SGCD: variants seen among roughly 807,000 people sequenced by gnomAD.
SGCD encodes sarcoglycan delta, also known as delta-sarcoglycan.
Under a neutral mutation model 36.6 loss-of-function variants are expected in SGCD, and 18 were observed. The observed-to-expected ratio is 0.49, with a 90% CI of 0.34 to 0.73. SGCD has a LOEUF of 0.73. Among genes scored for constraint, SGCD ranks in the 30% least tolerant of loss-of-function variants. SGCD has a pLI of 0.01. For missense variants in SGCD, 387 were observed against 346.7 expected, an observed-to-expected ratio of 1.12 and a Z score of -0.92; for synonymous variants, 133 against 130.6, an observed-to-expected ratio of 1.02 and a Z score of -0.12.
intron 1 of SGCD, among the ~76,000 whole-genome samples, chr5:156,061,561 A>G (rs1051207324): frequency 6.8e-6 from 1 of 146,318 alleles, no homozygotes; most frequent in African/African-American, 2.5e-5. Flanking sequence ...ATGAATGTTA[A>G]TGAATTGGAC....
At chr5:156,219,774 G>T (rs1764673056) in intron 3 of SGCD, among the ~76,000 whole-genome samples, 1 of 152,194 alleles carries the variant, frequency 6.6e-6, no homozygotes, top group Non-Finnish European at 1.5e-5. Flanking sequence ...ATAAGCTTTA[G>T]TAATGGTGGA....
rs190087928 is a variant in SGCD at position 155,975,930 on chromosome 5, A to G, written c.-282+105506A>G. Among the ~76,000 whole-genome samples, 832 of 151,968 alleles carry G rather than the reference A, an allele frequency of 5.5e-3. 7 individuals carry two copies. Among genetic ancestry groups the G allele is most frequent in the African/African-American group, 0.015 (615 of 41,478 alleles). On this transcript the variant is annotated intron_variant, in intron 1 of 9. Coordinates refer to the SGCD transcript ENST00000517913. ...CAGGCGTGAGCCACTGCGCTCGGCC[A>G]TGTGTTATTTTTTCATTCTGTTTAT... is the stretch of plus-strand genomic sequence containing the variant.
chr5:156,521,826 C>T (rs1252310632), intron 4 of SGCD, among the ~76,000 whole-genome samples: 1 of 152,060 alleles, frequency 6.6e-6, no homozygotes, highest in Admixed American at 6.5e-5. Context: ...ACCATTTGTC[C>T]CAGCAATCCC....
At chr5:156,582,082 A>C (rs1294063879) in intron 4 of SGCD, among the ~76,000 whole-genome samples, 1 of 151,678 alleles carries the variant, frequency 6.6e-6, no homozygotes, top group African/African-American at 2.4e-5. Flanking sequence ...ATTTTTTTTT[A>C]ATTTATTTTT....
At position 155,908,127 on chromosome 5, in the gene SGCD, AT is replaced by A. The variant is rs138949526; in HGVS notation, c.-282+37705del. Among the ~76,000 whole-genome samples the A allele has an allele frequency of 1.9e-3, 285 of 152,266 alleles. 2 individuals are homozygous for A. Among genetic ancestry groups the A allele is most frequent in the African/African-American group, 6.6e-3 (273 of 41,580 alleles). ...AATTACTAACTGTAAAGTATTTTTA[AT>A]TAACATGTACATATATTAAGACAGA... On this transcript the variant is annotated intron_variant, in intron 1 of 9. Coordinates refer to the SGCD transcript ENST00000517913.
At chr5:156,270,754 G>A (rs1766154804) in intron 3 of SGCD, among the ~76,000 whole-genome samples, 2 of 152,160 alleles carry the variant, frequency 1.3e-5, no homozygotes, top group Admixed American at 6.5e-5. Context: ...CTCCTCATCT[G>A]TGTAGTAGGG....
intron 1 of SGCD, among the ~76,000 whole-genome samples, chr5:156,005,672 T>G (rs1310924478): frequency 3.9e-5 from 6 of 152,174 alleles, no homozygotes; most frequent in African/African-American, 1.4e-4. Flanking sequence ...GGATGGTCTC[T>G]GTCTCCTGAC....
At chr5:156,675,760 G>T (rs1040090584) in intron 7 of SGCD, among the ~76,000 whole-genome samples, 1 of 152,024 alleles carries the variant, frequency 6.6e-6, no homozygotes, top group African/African-American at 2.4e-5. Flanking sequence ...TGAGAGACAG[G>T]GTGGCAGCAT....
At chr5:156,695,537 ATAGATAG>A (rs1754287888) in intron 7 of SGCD, among the ~76,000 whole-genome samples, 1 of 143,962 alleles carries the variant, frequency 6.9e-6, no homozygotes, top group African/African-American at 2.9e-5. Context: ...AGATAGATAG[ATAGATAG>A]ATAGATAGAT....
chr5:156,654,959 T>G (rs1763616151), intron 7 of SGCD, among the ~76,000 whole-genome samples: 1 of 152,126 alleles, frequency 6.6e-6, no homozygotes, highest in South Asian at 2.1e-4. Flanking sequence ...CTTATAGATT[T>G]AAAAATATGT....
the SGCD span, among the ~76,000 whole-genome samples, chr5:155,728,939 CG>C: frequency 6.6e-6 from 1 of 152,334 alleles, no homozygotes; most frequent in African/African-American, 2.4e-5. Context: ...TCGCGGACTC[CG>C]CGCGCACCAG....
At chr5:155,751,800 A>G in the SGCD span, among the ~76,000 whole-genome samples, 2 of 151,984 alleles carry the variant, frequency 1.3e-5, no homozygotes, top group Non-Finnish European at 2.9e-5. Context: ...TACATTTTTA[A>G]CTCATGTGGT....
chr5:156,660,232 C>T, intron 7 of SGCD, among the ~76,000 whole-genome samples: 1 of 151,356 alleles, frequency 6.6e-6, no homozygotes, highest in African/African-American at 2.5e-5. Context: ...GGTGCTCTCC[C>T]TAGGCAAATA....
At chr5:156,735,272 T>G (rs1756292335) in intron 7 of SGCD, among the ~76,000 whole-genome samples, 1 of 152,146 alleles carries the variant, frequency 6.6e-6, no homozygotes, top group Admixed American at 6.5e-5. Context: ...GTCAGGGACC[T>G]TCTGTGCTGG....
At chr5:156,198,848 T>G (rs1764080697) in intron 3 of SGCD, among the ~76,000 whole-genome samples, 2 of 151,688 alleles carry the variant, frequency 1.3e-5, no homozygotes, top group Admixed American at 1.3e-4. Flanking sequence ...CAATGGTGGT[T>G]TTTATTTTAT....
At chr5:156,251,522 C>CT (rs34601103) in intron 3 of SGCD, among the ~76,000 whole-genome samples, 101,547 of 148,362 alleles carry the variant, frequency 0.68, 34,912 homozygotes, top group South Asian at 0.81. Flanking sequence ...ATTTATACTA[C>CT]TTTTTTTTTT....
chr5:156,325,538 G>A (rs1767784031), upstream of SGCD, among the ~76,000 whole-genome samples: 1 of 152,188 alleles, frequency 6.6e-6, no homozygotes, highest in African/African-American at 2.4e-5. Context: ...TAGTCAGTAA[G>A]ATGCAGAGCT....
At chr5:156,158,502 G>A (rs1272278007) in intron 3 of SGCD, among the ~76,000 whole-genome samples, 1 of 151,416 alleles carries the variant, frequency 6.6e-6, no homozygotes, top group African/African-American at 2.5e-5. Flanking sequence ...TAGTCCTAAA[G>A]GGGAGAGGGG....
chr5:156,259,616 T>TA (rs1765801804), intron 3 of SGCD, among the ~76,000 whole-genome samples: 1 of 152,180 alleles, frequency 6.6e-6, no homozygotes, highest in South Asian at 2.1e-4. Flanking sequence ...GTTTCTAGAG[T>TA]AAGAAAGGGA....
Sources: allele counts gnomAD v4.1 joint callset (sites outside exome capture counted in the v4.1 genomes callset), GRCh38; gene constraint gnomAD v4.1.1; transcripts MANE v1.5; gene names NCBI Gene and HGNC (gene_info 2026-07-23, HGNC 2026-07-21).